The following SLC35F4 variants were observed in gnomAD, a reference collection of about 807,000 sequenced individuals.
SLC35F4 encodes chromosome 14 open reading frame 36.
SLC35F4 carries 24 observed loss-of-function variants against 44.2 expected under a neutral mutation model. The ratio of observed to expected loss-of-function variants is 0.54; its 90% CI spans 0.39 to 0.76. The LOEUF is 0.76. Among genes scored for constraint, SLC35F4 ranks in the 30% least tolerant of loss-of-function variants. The pLI, the probability that SLC35F4 is intolerant of heterozygous loss-of-function variation, is 0.00. For synonymous variants in SLC35F4, 238 were observed against 223.6 expected (o/e 1.06, Z -0.57); for missense variants, 562 against 586.1 (o/e 0.96, Z 0.42).
rs535814711 is a variant in SLC35F4 at position 57,667,016 on chromosome 14, T to C, written c.104-72892A>G. 3.3e-5 allele frequency among the ~76,000 whole-genome samples: 5 copies of C among 151,400 alleles called. No homozygotes were observed. The South Asian group carries it at 6.2e-4, about 19-fold the overall frequency. ...ATGAATTATTCTGTGGGAGGAAGCG[T>C]GGGCAAAGGCATCAGGTACATGTGA... On this transcript the variant is annotated intron_variant, in intron 1 of 7. Coordinates refer to ENST00000556826, the MANE Select transcript of SLC35F4 (RefSeq NM_001306087.2).
intron 1 of SLC35F4, among the ~76,000 whole-genome samples, chr14:57,676,202 G>A (rs1047860369): frequency 2.0e-5 from 3 of 151,962 alleles, no homozygotes; most frequent in South Asian, 2.1e-4. Flanking sequence ...GAACACATAC[G>A]TGAATAAGAA....
chr14:57,776,233 T>A (rs943281184), intron 1 of SLC35F4, among the ~76,000 whole-genome samples: 1 of 152,094 alleles, frequency 6.6e-6, no homozygotes, highest in Non-Finnish European at 1.5e-5. Context: ...TTTCAAGATA[T>A]CATCCATGAA....
intron 1 of SLC35F4, among the ~76,000 whole-genome samples, chr14:57,765,442 G>A (rs950569829): frequency 2.0e-5 from 3 of 152,212 alleles, no homozygotes; most frequent in African/African-American, 7.2e-5. Flanking sequence ...ATTCTGCATT[G>A]AGAACCACAG....
intron 1 of SLC35F4, among the ~76,000 whole-genome samples, chr14:57,980,726 C>T (rs1233458199): frequency 6.6e-6 from 1 of 152,036 alleles, no homozygotes; most frequent in African/African-American, 2.4e-5. Flanking sequence ...AAAATGGTAC[C>T]TACTAACTAC....
intron 1 of SLC35F4, among the ~76,000 whole-genome samples, chr14:57,806,694 G>A (rs1246274160): frequency 3.9e-5 from 6 of 152,222 alleles, no homozygotes; most frequent in East Asian, 1.9e-4. Flanking sequence ...GACACTCTCC[G>A]ATTTATGAAT....
At chr14:57,965,032 C>T (rs749510984) in intron 1 of SLC35F4, among the ~76,000 whole-genome samples, 29 of 129,612 alleles carry the variant, frequency 2.2e-4, no homozygotes, top group African/African-American at 6.0e-4. Context: ...AAAGGTTTCA[C>T]GACTCCAAGA....
At chr14:57,596,981 A>G (rs571616181) in intron 1 of SLC35F4, 3 of 910,864 alleles carry the variant, frequency 3.3e-6, no homozygotes, top group East Asian at 6.0e-5. Flanking sequence ...GGGTTGGGCC[A>G]TGATACAATT....
At chr14:57,685,406 T>A (rs2075037770) in intron 1 of SLC35F4, among the ~76,000 whole-genome samples, 1 of 152,172 alleles carries the variant, frequency 6.6e-6, no homozygotes, top group Admixed American at 6.6e-5. Context: ...GAAAATGAGG[T>A]AATTAAGGAG....
At chr14:57,891,101 T>C (rs1888753485) in intron 1 of SLC35F4, among the ~76,000 whole-genome samples, 1 of 152,194 alleles carries the variant, frequency 6.6e-6, no homozygotes, top group Non-Finnish European at 1.5e-5. Context: ...ACTTCCAGAT[T>C]ATGGATTTCT....
chr14:57,599,892 C>T (rs2070714338), intron 1 of SLC35F4, among the ~76,000 whole-genome samples: 1 of 151,546 alleles, frequency 6.6e-6, no homozygotes, highest in Admixed American at 6.6e-5. Flanking sequence ...TTAAGGCAGG[C>T]ACCCAGTTGG....
chr14:57,826,660 T>TA (rs1181751229), intron 1 of SLC35F4, among the ~76,000 whole-genome samples: 2 of 149,080 alleles, frequency 1.3e-5, no homozygotes, highest in South Asian at 2.1e-4. Flanking sequence ...TTAAACAAAT[T>TA]TAAAAGAAAA....
At chr14:57,751,205 T>C (rs1402073388) in intron 1 of SLC35F4, among the ~76,000 whole-genome samples, 1 of 152,200 alleles carries the variant, frequency 6.6e-6, no homozygotes, top group African/African-American at 2.4e-5. Flanking sequence ...CTGGGTGACA[T>C]GGTTAATAAG....
At chr14:57,850,579 A>T (rs540397450) in intron 1 of SLC35F4, among the ~76,000 whole-genome samples, 11 of 152,208 alleles carry the variant, frequency 7.2e-5, no homozygotes, top group Admixed American at 2.6e-4. Flanking sequence ...GGAGAAACTG[A>T]TTCATAGCTT....
Position 57,782,016 on chromosome 14 carries a change from C to T in SLC35F4, c.103+83707G>A, listed in dbSNP as rs1486087171. On this transcript the variant is annotated intron_variant, in intron 1 of 7. Coordinates refer to ENST00000556826, the MANE Select transcript of SLC35F4 (RefSeq NM_001306087.2). ...ATCTGTATATCAAACCCCCATGACA[C>T]AAGTTTACCTATATAACAAACCTGC... 2.0e-5 allele frequency among the ~76,000 whole-genome samples: 3 copies of T among 152,128 alleles called. No homozygotes were observed. In the East Asian group the frequency reaches 5.8e-4, roughly 29 times the overall value.
chr14:57,740,923 C>T (rs759869786), intron 1 of SLC35F4, among the ~76,000 whole-genome samples: 13 of 152,098 alleles, frequency 8.5e-5, no homozygotes, highest in African/African-American at 1.2e-4. Context: ...CCCTCTGAGA[C>T]GAAGCTGCTG....
In SLC35F4 at chr14:57,888,573, G is replaced by C. The variant is rs77703107; in HGVS notation, n.282+93340C>G. On this transcript the variant is annotated intron_variant and non_coding_transcript_variant, in intron 1 of 1. Coordinates refer to the SLC35F4 transcript ENST00000556568. ...CATAATAAATGCTCAATAACGACCA[G>C]TTGTTGCTATTACGTTATTATTATC... Among the ~76,000 whole-genome samples the C allele has an allele frequency of 2.5e-3, 386 of 152,230 alleles. 1 individual carries two copies. Among genetic ancestry groups the C allele is most frequent in the African/African-American group, 8.5e-3 (355 of 41,528 alleles).
chr14:57,600,691 CAAAAAA>C lies in SLC35F4; in HGVS notation c.104-6573_104-6568del, dbSNP rs67819924. Among the ~76,000 whole-genome samples, 24 of 55,394 alleles carry C rather than the reference CAAAAAA, an allele frequency of 4.3e-4. 1 individual carries two copies. The highest frequency in any genetic ancestry group is 0.014 in the Middle Eastern group (1 of 74). The allele number at this position is 55,394 out of a possible 152,430, so 36.3% of individuals were successfully genotyped here. ...TGGGCGACAGAGCAAGACTCCATCT[CAAAAAA>C]AAAAAAAAAAAAAAAAAAAAAACCA... On this transcript the variant is annotated intron_variant, in intron 1 of 7. Coordinates refer to ENST00000556826, the MANE Select transcript of SLC35F4 (RefSeq NM_001306087.2).
At chr14:57,639,811 G>T (rs964223803) in intron 1 of SLC35F4, among the ~76,000 whole-genome samples, 8 of 151,906 alleles carry the variant, frequency 5.3e-5, no homozygotes, top group Admixed American at 4.6e-4. Flanking sequence ...CAAAACTTCT[G>T]CCTTAGGAAG....
chr14:57,596,117 T>G (rs2070470705), intron 1 of SLC35F4: 1 of 152,408 alleles, frequency 6.6e-6, no homozygotes. Flanking sequence ...ATGTTACACA[T>G]GGTATGTCTG....
Sources: gnomAD v4.1 joint callset for allele counts (sites outside exome capture counted in the v4.1 genomes callset) on GRCh38, gnomAD v4.1.1 for gene constraint, MANE v1.5 for transcripts, NCBI Gene and HGNC (gene_info 2026-07-23, HGNC 2026-07-21) for gene names.